The following INPP1 variants were observed in gnomAD, a reference collection of about 807,000 sequenced individuals.
INPP1 encodes inositol polyphosphate 1-phosphatase.
Under a neutral mutation model 23.0 loss-of-function variants are expected in INPP1, and 18 were observed. That is an observed-to-expected ratio of 0.78 (90% CI 0.54 to 1.16). The LOEUF (loss-of-function observed/expected upper bound fraction) is 1.16. Ranked by LOEUF, INPP1 falls within the 50% of genes most tolerant of loss-of-function variation. The pLI, the probability that INPP1 is intolerant of heterozygous loss-of-function variation, is 0.00. For missense variants in INPP1, 448 were observed against 482.1 expected, an observed-to-expected ratio of 0.93 and a Z score of 0.66; for synonymous variants, 164 against 176.3, an observed-to-expected ratio of 0.93 and a Z score of 0.55.
In INPP1 at chr2:190,345,687, G is replaced by A. The variant is rs1332283722; in HGVS notation, c.-209+1726G>A. The A allele has an allele frequency of 6.6e-6, 1 of 152,186 alleles. No individual in the cohort carries two copies. Among genetic ancestry groups the A allele is most frequent in the Admixed American group, 6.5e-5 (1 of 15,278 alleles). 9.4% of individuals were successfully genotyped at this position (152,186 alleles called of 1,614,324 possible). A position where few individuals can be genotyped will look rare whatever the true frequency, so the allele number is the denominator to read the frequency against. ...TAATAAAACTATGTTAATGTGTTTG[G>A]CTGAGAGCTTAGAAATAAAGGCTCT... is the stretch of plus-strand genomic sequence containing the variant. On this transcript the variant is annotated intron_variant, in intron 1 of 6. Coordinates refer to ENST00000392329, the MANE Select transcript of INPP1 (RefSeq NM_001128928.2). This position sits in a 1 kb window ranked among gnomAD's most constrained non-coding sequence, Gnocchi z 4.9.
rs760644724 is a variant in INPP1 at position 190,366,895 on chromosome 2, G to T, written c.466G>T (p.Asp156Tyr). 1.3e-6 allele frequency: 2 copies of T among 1,587,072 alleles called. No homozygotes were observed. The highest frequency in any genetic ancestry group is 1.7e-6 in the Non-Finnish European group (2 of 1,155,268). Reference protein sequence around the residue: ...DILGIWVDPIDSTYQYIKGSA... With the variant: ...DILGIWVDPIYSTYQYIKGSA... ...TTTGGGAATTTGGGTGGACCCCATA[G>T]GTAAGTATAGGAAAGTATGTTTGTT... Residue 156 changes from aspartate (D) to tyrosine (Y), a missense_variant and splice_region_variant, in exon 5 of 7, where the codon GAT becomes TAT. Coordinates refer to ENST00000392329, the MANE Select transcript of INPP1 (RefSeq NM_001128928.2).
At chr2:190,362,518 T>A (rs1178507179) in intron 3 of INPP1, 109 bp from the exon 4 acceptor site, 1 of 593,104 alleles carries the variant, frequency 1.7e-6, no homozygotes. Context: ...TTTTGGAATT[T>A]CAGTTCTGAT....
chr2:190,350,337 G>C (rs1689302665), intron 2 of INPP1, among the ~76,000 whole-genome samples: 1 of 152,206 alleles, frequency 6.6e-6, no homozygotes, highest in African/African-American at 2.4e-5. Context: ...GTGGAACAAG[G>C]CTCCCTGTTC....
chr2:190,344,021 C>G (rs773351891), intron 1 of INPP1, 60 bp downstream of exon 1: 6 of 337,138 alleles, frequency 1.8e-5, no homozygotes, highest in South Asian at 1.3e-4. Context: ...TGCCCCTCCT[C>G]CTTGGATCTG....
At chr2:190,361,275 T>G (rs1689529206) in intron 3 of INPP1, among the ~76,000 whole-genome samples, 1 of 152,212 alleles carries the variant, frequency 6.6e-6, no homozygotes, top group African/African-American at 2.4e-5. Flanking sequence ...TATATGATAA[T>G]CTAACCATTA....
Position 190,366,818 on chromosome 2 carries a change from C to A in INPP1, c.389C>A (p.Ala130Asp). 1 of 1,614,012 alleles carries A rather than the reference C, an allele frequency of 6.2e-7. No individual in the cohort carries two copies. Among genetic ancestry groups the A allele is most frequent in the South Asian group, 1.1e-5 (1 of 91,080 alleles). The change falls in exon 5 of 7, where the codon GCC (alanine) becomes GAC (aspartate). Residue 130 changes from alanine (A) to aspartate (D), a missense_variant. Physicochemically the swap from Ala to Asp is moderately radical, Grantham distance 126 (BLOSUM62 -2). Transcript: ENST00000392329. ...ALARVVHQDV[A>D]FTDPTLDSTE... is the part of the protein sequence containing the mutation. ...GCCAGGGTTGTTCATCAGGATGTTG[C>A]CTTTACTGACCCAACTCTGGATTCC...
At chr2:190,370,535 T>C (rs1211669476) in intron 6 of INPP1, among the ~76,000 whole-genome samples, 2 of 152,236 alleles carry the variant, frequency 1.3e-5, no homozygotes, top group Non-Finnish European at 2.9e-5. Flanking sequence ...TACTAAAAGT[T>C]GTAATGAAAT....
chr2:190,360,976 C>A (rs1319832804), intron 3 of INPP1, among the ~76,000 whole-genome samples: 1 of 152,152 alleles, frequency 6.6e-6, no homozygotes, highest in African/African-American at 2.4e-5. Context: ...CTTTCTGGAG[C>A]TGACTAGAGA....
At chr2:190,364,597 T>TATTTTTTA (rs201819052) in intron 4 of INPP1, among the ~76,000 whole-genome samples, 4 of 91,304 alleles carry the variant, frequency 4.4e-5, no homozygotes, top group African/African-American at 2.1e-4. Context: ...CTGATTTTTT[T>TATTTTTTA]TTTTTTTTTG....
intron 2 of INPP1, among the ~76,000 whole-genome samples, chr2:190,353,635 G>T (rs1310177543): frequency 6.6e-6 from 1 of 152,154 alleles, no homozygotes; most frequent in African/African-American, 2.4e-5. Flanking sequence ...TCACTGCAAG[G>T]TAACTATTAA....
chr2:190,367,096 G>T lies in INPP1; in HGVS notation c.466+201G>T, dbSNP rs1689695216. ...ATATATACATATATATTATAGCCGT[G>T]TGTATATATATACATATCTATAACA... On this transcript the variant is annotated intron_variant, in intron 5 of 6. Transcript: ENST00000392329. This position sits in a 1 kb window ranked among gnomAD's most constrained non-coding sequence, Gnocchi z 4.1. Among the ~76,000 whole-genome samples the T allele has an allele frequency of 6.6e-6, 1 of 152,104 alleles. No homozygotes were observed. Among genetic ancestry groups the T allele is most frequent in the Non-Finnish European group, 1.5e-5 (1 of 68,042 alleles).
chr2:190,360,784 T>G (rs77375037), intron 3 of INPP1, among the ~76,000 whole-genome samples: 3 of 51,756 alleles, frequency 5.8e-5, no homozygotes, highest in Admixed American at 5.1e-4. Flanking sequence ...TTGTAACCTG[T>G]TTTTTTTTTA....
At chr2:190,347,392 C>T (rs1249604863) in intron 1 of INPP1, among the ~76,000 whole-genome samples, 4 of 151,898 alleles carry the variant, frequency 2.6e-5, no homozygotes, top group Admixed American at 6.6e-5. Context: ...AAAACTTGGT[C>T]AGTTATATAT....
chr2:190,362,677 T>C lies in INPP1; in HGVS notation c.255T>C (p.Thr85=). ...TTGGAGAAGAATCCAATGAGTTTAC[T>C]AATGACTGGGGTAAGTATAAGAATC... The part of the protein sequence containing the change: ...NIFGEESNEF[T]NDWGEKITLR... The change falls in exon 4 of 7, where the codon ACT becomes ACC. Residue 85 remains threonine, a synonymous_variant. Transcript: ENST00000392329. The C allele has an allele frequency of 6.3e-7, 1 of 1,593,544 alleles. No individual in the cohort carries two copies.
At chr2:190,369,066 T>G (rs1007902392) in intron 5 of INPP1, 37 bp from the exon 6 acceptor site, 1 of 1,364,706 alleles carries the variant, frequency 7.3e-7, no homozygotes. Context: ...CTAAATGATC[T>G]TTACCTGAAT....
In INPP1 at chr2:190,371,125, C is replaced by T. The variant is rs1369219915; in HGVS notation, c.923C>T (p.Ser308Leu). The T allele has an allele frequency of 6.2e-7, 1 of 1,614,102 alleles. No individual in the cohort carries two copies. The highest frequency in any genetic ancestry group is 8.5e-7 in the Non-Finnish European group (1 of 1,180,052). The change falls in exon 7 of 7, where the codon TCA (serine) becomes TTA (leucine). Residue 308 changes from serine to leucine, a missense_variant. By Grantham distance (145) the Ser-to-Leu change is moderately radical. Transcript: ENST00000392329. This position sits in a 1 kb window ranked among gnomAD's most constrained non-coding sequence, Gnocchi z 5.3. ...VQGLVDIYIF[S>L]EDTTFKWDSC... is the part of the protein sequence containing the mutation. ...GGCCTCGTTGACATTTACATCTTTT[C>T]AGAAGATACCACATTCAAATGGGAC...
intron 2 of INPP1, among the ~76,000 whole-genome samples, chr2:190,350,271 A>AT (rs943108572): frequency 6.6e-6 from 1 of 152,264 alleles, no homozygotes; most frequent in Non-Finnish European, 1.5e-5. Flanking sequence ...TAGATCAACT[A>AT]TTTTTTTCCG....
Position 190,371,525 on chromosome 2 carries a change from A to C in INPP1, c.*123A>C. On this transcript the variant is annotated 3_prime_UTR_variant, in exon 7 of 7. Transcript: ENST00000392329. The surrounding 1 kb of genome is among the most constrained non-coding windows in gnomAD (Gnocchi z 5.3). ...CATTCACCTTCCTCTTTTGAGGAGTATTTTTCCATTATGTATTCATAATAA... is the reference window on the plus strand; with the variant it reads ...CATTCACCTTCCTCTTTTGAGGAGTCTTTTTCCATTATGTATTCATAATAA... 1 of 602,502 alleles carries C rather than the reference A, an allele frequency of 1.7e-6. No homozygotes were observed. The highest frequency in any genetic ancestry group is 2.7e-6 in the Non-Finnish European group (1 of 369,120). 37.3% of individuals were successfully genotyped at this position (602,502 alleles called of 1,614,324 possible).
chr2:190,358,708 T>G (rs781450068), intron 2 of INPP1, among the ~76,000 whole-genome samples: 5 of 152,192 alleles, frequency 3.3e-5, no homozygotes, highest in African/African-American at 7.2e-5. Flanking sequence ...AGATAGGAAT[T>G]TTTCAAGCTT....
Sources: allele counts gnomAD v4.1 joint callset (sites outside exome capture counted in the v4.1 genomes callset), GRCh38; gene constraint gnomAD v4.1.1; non-coding constraint Gnocchi (gnomAD v3.1); transcripts MANE v1.5; gene names NCBI Gene and HGNC (gene_info 2026-07-23, HGNC 2026-07-21).